The following ITSN2 variants were observed in gnomAD, a reference collection of about 807,000 sequenced individuals.
ITSN2 encodes intersectin-2.
ITSN2 carries 156 observed loss-of-function variants against 243.7 expected under a neutral mutation model. That is an observed-to-expected ratio of 0.64 (90% CI 0.56 to 0.73). The LOEUF is 0.73. Among genes scored for constraint, ITSN2 ranks in the 30% least tolerant of loss-of-function variants. ITSN2 has a pLI of 0.00. For synonymous variants in ITSN2, 703 were observed against 699.9 expected (o/e 1.00, Z -0.07); for missense variants, 1,801 against 1,996.1 (o/e 0.90, Z 1.86).
At chr2:24,331,442 CAT>C (rs1459883509) in intron 1 of ITSN2, among the ~76,000 whole-genome samples, 1 of 151,894 alleles carries the variant, frequency 6.6e-6, no homozygotes, top group African/African-American at 2.4e-5. Flanking sequence ...GGGGAAGGGC[CAT>C]ATGTCACTAA....
chr2:24,322,609 T>TA (rs1180412582), intron 2 of ITSN2, among the ~76,000 whole-genome samples: 1 of 152,154 alleles, frequency 6.6e-6, no homozygotes, highest in Non-Finnish European at 1.5e-5. Flanking sequence ...CAGAACTAGA[T>TA]ATAAGATAAA....
At chr2:24,238,097 A>G (rs1035016387) in intron 29 of ITSN2, among the ~76,000 whole-genome samples, 3 of 152,190 alleles carry the variant, frequency 2.0e-5, no homozygotes, top group African/African-American at 7.2e-5. Flanking sequence ...TGGACCTGGC[A>G]GTTGCTTCCT....
chr2:24,292,520 T>C (rs886232926), intron 15 of ITSN2, among the ~76,000 whole-genome samples: 5 of 152,246 alleles, frequency 3.3e-5, no homozygotes, highest in African/African-American at 1.2e-4. Flanking sequence ...GGAGACACAA[T>C]AAAAATAGTT....
Position 24,302,000 on chromosome 2 carries a change from C to T in ITSN2, c.960G>A (p.Leu320=). The part of the protein sequence containing the change: ...DMAKAGQPLP[L]TLPPELVPPS... ...GAGGAACAAGCTCAGGAGGTAAAGT[C>T]AGTGGTAATGGCTGTCCAGCTTTGG... Residue 320 remains leucine (L), a synonymous_variant, in exon 10 of 40, where the codon CTG becomes CTA. Coordinates refer to ENST00000355123, the MANE Select transcript of ITSN2 (RefSeq NM_006277.3). 1 of 1,612,724 alleles carries T rather than the reference C, an allele frequency of 6.2e-7. No homozygotes were observed. Among genetic ancestry groups the T allele is most frequent in the African/African-American group, 1.3e-5 (1 of 74,918 alleles).
chr2:24,222,112 C>A (rs1228909605), intron 29 of ITSN2, among the ~76,000 whole-genome samples: 3 of 151,894 alleles, frequency 2.0e-5, no homozygotes, highest in Non-Finnish European at 2.9e-5. Context: ...ATTAGCCAGG[C>A]GTGGTGGTGG....
At chr2:24,237,228 GTATC>G (rs1392400573) in intron 29 of ITSN2, among the ~76,000 whole-genome samples, 1 of 152,224 alleles carries the variant, frequency 6.6e-6, no homozygotes, top group Admixed American at 6.5e-5. Context: ...CCTTAGAAAA[GTATC>G]TAAACTAAGA....
intron 29 of ITSN2, among the ~76,000 whole-genome samples, chr2:24,230,968 G>C (rs1349790260): frequency 2.8e-5 from 4 of 145,080 alleles, no homozygotes; most frequent in African/African-American, 1.0e-4. Flanking sequence ...CTATTCCTCA[G>C]GCACCACAGG....
intron 29 of ITSN2, 55 bp from the exon 30 acceptor site, chr2:24,221,121 T>C (rs1473746457): frequency 1.7e-5 from 26 of 1,551,632 alleles, no homozygotes; most frequent in South Asian, 6.1e-5. Context: ...TTGTAGAAAA[T>C]AGACATTTGT....
intron 11 of ITSN2, among the ~76,000 whole-genome samples, chr2:24,300,428 A>C (rs1681568400): frequency 1.3e-5 from 2 of 152,356 alleles, no homozygotes; most frequent in South Asian, 4.1e-4. Context: ...CAATAAAAAT[A>C]CTTTTTCGGT....
intron 1 of ITSN2, among the ~76,000 whole-genome samples, chr2:24,355,281 A>G (rs1688343878): frequency 6.6e-6 from 1 of 152,242 alleles, no homozygotes; most frequent in Non-Finnish European, 1.5e-5. Flanking sequence ...CCACTTACAG[A>G]ATTAATTATA....
At chr2:24,302,211 T>C in intron 9 of ITSN2, 109 bp from the exon 10 acceptor site, 1 of 604,430 alleles carries the variant, frequency 1.7e-6, no homozygotes, top group East Asian at 4.6e-5. Context: ...ATTTATTTAT[T>C]TATTTGAGAT....
At chr2:24,245,563 T>G (rs2151284389) in intron 29 of ITSN2, among the ~76,000 whole-genome samples, 1 of 152,178 alleles carries the variant, frequency 6.6e-6, no homozygotes, top group South Asian at 2.1e-4. Context: ...TACTGCACTC[T>G]TAACCTCCCG....
chr2:24,218,635 G>A (rs954768907), intron 30 of ITSN2, among the ~76,000 whole-genome samples: 2 of 152,094 alleles, frequency 1.3e-5, no homozygotes, highest in Admixed American at 6.5e-5. Context: ...GTAGCTTCAC[G>A]GGTGATGGAG....
chr2:24,345,211 A>T (rs1687413937), intron 1 of ITSN2, among the ~76,000 whole-genome samples: 1 of 152,210 alleles, frequency 6.6e-6, no homozygotes, highest in Admixed American at 6.5e-5. Context: ...GTGGTTCTAT[A>T]GGATCTTTAT....
intron 14 of ITSN2, among the ~76,000 whole-genome samples, chr2:24,295,099 T>C (rs972760137): frequency 3.3e-5 from 5 of 152,310 alleles, no homozygotes; most frequent in Admixed American, 6.5e-5. Context: ...TAAGAATGCA[T>C]AAACATTGTT....
In ITSN2 at chr2:24,225,292, C is replaced by T. The variant is rs568992744; in HGVS notation, c.3578-4226G>A. The stretch of plus-strand genomic sequence containing the variant: ...TCCAACCCTGCCCCCTCCTCAGCAC[C>T]GCCTGCCTTTGGTCTCATTGGCAAA... On this transcript the variant is annotated intron_variant, in intron 29 of 39. Coordinates refer to ENST00000355123, the MANE Select transcript of ITSN2 (RefSeq NM_006277.3). This position sits in a 1 kb window ranked among gnomAD's most constrained non-coding sequence, Gnocchi z 4.2. 2.0e-5 allele frequency among the ~76,000 whole-genome samples: 3 copies of T among 152,338 alleles called. No homozygotes were observed. Among genetic ancestry groups the T allele is most frequent in the South Asian group, 2.1e-4 (1 of 4,826 alleles).
At chr2:24,208,883 G>A (rs1445343674) in intron 36 of ITSN2, among the ~76,000 whole-genome samples, 1 of 152,228 alleles carries the variant, frequency 6.6e-6, no homozygotes, top group African/African-American at 2.4e-5. Flanking sequence ...AGGCTGCTGA[G>A]TGGTGTGGGG....
intron 34 of ITSN2, 120 bp downstream of exon 34, chr2:24,210,660 A>AG: frequency 1.5e-6 from 1 of 668,636 alleles, no homozygotes; most frequent in Non-Finnish European, 2.4e-6. Flanking sequence ...TTGCAGGGGC[A>AG]GGGTGGTGAG....
intron 34 of ITSN2, 104 bp downstream of exon 34, chr2:24,210,676 G>A (rs1449521353): frequency 2.3e-5 from 20 of 876,082 alleles, no homozygotes; most frequent in Non-Finnish European, 2.7e-5. Flanking sequence ...GTGAGTCCAC[G>A]CAGGCTGCCT....
Sources: gnomAD v4.1 joint callset for allele counts (sites outside exome capture counted in the v4.1 genomes callset) on GRCh38, gnomAD v4.1.1 for gene constraint, Gnocchi (gnomAD v3.1) non-coding constraint, MANE v1.5 for transcripts, NCBI Gene and HGNC (gene_info 2026-07-23, HGNC 2026-07-21) for gene names.